The following ENOX1 variants were observed in gnomAD, a reference collection of about 807,000 sequenced individuals.
ENOX1 encodes the protein candidate growth-related and time keeping constitutive hydroquinone (NADH) oxidase.
ENOX1 carries 42 observed loss-of-function variants against 82.5 expected under a neutral mutation model. The observed-to-expected ratio is 0.51, with a 90% CI of 0.40 to 0.66. The LOEUF (loss-of-function observed/expected upper bound fraction) is 0.66, where lower values mean the gene tolerates loss of function less well. Among genes scored for constraint, ENOX1 ranks in the 30% least tolerant of loss-of-function variants. The pLI, the probability that ENOX1 is intolerant of heterozygous loss-of-function variation, is 0.00. For synonymous variants in ENOX1, 271 were observed against 282.2 expected, an observed-to-expected ratio of 0.96 and a Z score of 0.40; for missense variants, 608 against 811.6, an observed-to-expected ratio of 0.75 and a Z score of 3.05.
chr13:43,356,741 A>C (rs2050183010), intron 7 of ENOX1, among the ~76,000 whole-genome samples: 1 of 152,112 alleles, frequency 6.6e-6, no homozygotes, highest in South Asian at 2.1e-4. Flanking sequence ...TACCAAGGCA[A>C]TTTTGCAATG....
chr13:43,548,808 T>C (rs1305830436), intron 2 of ENOX1, among the ~76,000 whole-genome samples: 2 of 152,188 alleles, frequency 1.3e-5, no homozygotes, highest in African/African-American at 4.8e-5. Flanking sequence ...TAATGGAATG[T>C]CCATGTCTCT....
intron 3 of ENOX1, among the ~76,000 whole-genome samples, chr13:43,469,243 A>G (rs2057879897): frequency 6.6e-6 from 1 of 152,082 alleles, no homozygotes; most frequent in Admixed American, 6.5e-5. Context: ...CTTTTATTCT[A>G]TTAATATGGA....
intron 2 of ENOX1, among the ~76,000 whole-genome samples, chr13:43,616,073 A>C (rs11616392): frequency 0.36 from 26,940 of 74,144 alleles, 5,950 homozygotes; most frequent in South Asian, 0.49. Flanking sequence ...TGTGTCTTTA[A>C]GTTTGACATT....
intron 2 of ENOX1, among the ~76,000 whole-genome samples, chr13:43,512,618 GTTTT>G (rs35147827): frequency 1.5e-5 from 2 of 137,158 alleles, no homozygotes; most frequent in African/African-American, 2.6e-5. Context: ...ATGTGTGTGG[GTTTT>G]TTTTTTTTTT....
intron 12 of ENOX1, among the ~76,000 whole-genome samples, chr13:43,296,827 G>A (rs968672356): frequency 5.9e-5 from 9 of 152,206 alleles, no homozygotes; most frequent in African/African-American, 1.9e-4. Flanking sequence ...TTTCTAGAGG[G>A]AGAAAGGGAG....
intron 14 of ENOX1, among the ~76,000 whole-genome samples, chr13:43,256,308 T>C (rs1300895828): frequency 6.6e-6 from 1 of 152,024 alleles, no homozygotes; most frequent in East Asian, 1.9e-4. Flanking sequence ...CAAATGGAAT[T>C]ACATCAAGCT....
At chr13:43,538,123 C>T (rs2078545803) in intron 2 of ENOX1, among the ~76,000 whole-genome samples, 1 of 152,260 alleles carries the variant, frequency 6.6e-6, no homozygotes, top group African/African-American at 2.4e-5. Context: ...GCCTCTGAGC[C>T]TAGCCCTCCT....
At chr13:43,343,631 A>T (rs1466998619) in intron 9 of ENOX1, among the ~76,000 whole-genome samples, 1 of 152,200 alleles carries the variant, frequency 6.6e-6, no homozygotes, top group Admixed American at 6.5e-5. Context: ...CTGATGAAAG[A>T]GGTGATAGGC....
At chr13:43,365,869 A>T (rs999650316) in intron 5 of ENOX1, among the ~76,000 whole-genome samples, 1 of 152,198 alleles carries the variant, frequency 6.6e-6, no homozygotes, top group Non-Finnish European at 1.5e-5. Flanking sequence ...GGACAGAGTA[A>T]GTGTGTGGGG....
At chr13:43,367,061 G>C (rs764566909) in intron 5 of ENOX1, among the ~76,000 whole-genome samples, 15 of 152,166 alleles carry the variant, frequency 9.9e-5, no homozygotes, top group Admixed American at 2.0e-4. Context: ...GTGCCTACTA[G>C]GTGTTGAGTG....
chr13:43,631,813 G>A (rs1235604949), intron 2 of ENOX1, among the ~76,000 whole-genome samples: 1 of 152,034 alleles, frequency 6.6e-6, no homozygotes, highest in African/African-American at 2.4e-5. Flanking sequence ...TGTCATTAAG[G>A]CATTTCTGAG....
At chr13:43,355,236 G>C (rs1312144653) in intron 8 of ENOX1, among the ~76,000 whole-genome samples, 1 of 152,152 alleles carries the variant, frequency 6.6e-6, no homozygotes, top group Non-Finnish European at 1.5e-5. Flanking sequence ...GTAGTTCACG[G>C]GGGCAGGTAC....
chr13:43,663,528 G>A (rs945244424), intron 2 of ENOX1, among the ~76,000 whole-genome samples: 9 of 152,070 alleles, frequency 5.9e-5, no homozygotes, highest in African/African-American at 2.2e-4. Context: ...CAGTTTAGTT[G>A]CTCTGTTTCC....
At chr13:43,447,243 G>T (rs951781875) in intron 3 of ENOX1, among the ~76,000 whole-genome samples, 17 of 152,234 alleles carry the variant, frequency 1.1e-4, no homozygotes, top group Non-Finnish European at 2.4e-4. Context: ...GCCCAGCACA[G>T]TGCCTGACAT....
chr13:43,433,081 C>T (rs964374071), intron 3 of ENOX1, among the ~76,000 whole-genome samples: 11 of 152,052 alleles, frequency 7.2e-5, no homozygotes, highest in Non-Finnish European at 1.3e-4. Flanking sequence ...ACAGAATACC[C>T]GAGGCCAAGT....
intron 12 of ENOX1, among the ~76,000 whole-genome samples, chr13:43,277,794 C>T (rs2045142877): frequency 6.6e-6 from 1 of 152,082 alleles, no homozygotes; most frequent in South Asian, 2.1e-4. Flanking sequence ...ATTTCCTCTG[C>T]TGCAGAGAAA....
At chr13:43,403,485 C>G (rs1270748719) in intron 5 of ENOX1, among the ~76,000 whole-genome samples, 1 of 152,134 alleles carries the variant, frequency 6.6e-6, no homozygotes, top group Non-Finnish European at 1.5e-5. Context: ...TTATATAGTA[C>G]ATGGGATAGG....
At chr13:43,537,568 T>C (rs539174066) in intron 2 of ENOX1, among the ~76,000 whole-genome samples, 3 of 152,372 alleles carry the variant, frequency 2.0e-5, no homozygotes, top group Admixed American at 6.5e-5. Context: ...ATGACTGCGA[T>C]AATAGCTACT....
intron 3 of ENOX1, among the ~76,000 whole-genome samples, chr13:43,471,197 T>C (rs2058050653): frequency 6.6e-6 from 1 of 152,102 alleles, no homozygotes; most frequent in Non-Finnish European, 1.5e-5. Context: ...CATTATGCTA[T>C]ATGAAAGGAG....
Sources: allele counts gnomAD v4.1 joint callset (sites outside exome capture counted in the v4.1 genomes callset), GRCh38; gene constraint gnomAD v4.1.1; transcripts MANE v1.5; gene names NCBI Gene and HGNC (gene_info 2026-07-23, HGNC 2026-07-21).